Variants in DPYSL2 observed in about 807,000 individuals in gnomAD.
The protein encoded by DPYSL2 is dihydropyrimidinase like 2.
In DPYSL2, 13 loss-of-function variants were observed where a neutral mutation model predicts 69.9. That is an observed-to-expected ratio of 0.19 (90% CI 0.12 to 0.30). The LOEUF (loss-of-function observed/expected upper bound fraction) is 0.30, where lower values mean the gene tolerates loss of function less well. DPYSL2 is among the 10% of genes least tolerant of loss of function. The probability of loss-of-function intolerance (pLI) is 1.00; values close to 1 mark genes in which losing one functional copy is unlikely to be tolerated. For missense variants in DPYSL2, 587 were observed against 918.9 expected, an observed-to-expected ratio of 0.64 and a Z score of 4.67; for synonymous variants, 326 against 359.1, an observed-to-expected ratio of 0.91 and a Z score of 1.04.
At position 26,584,659 on chromosome 8, in the gene DPYSL2, G is replaced by A. The variant is rs1051051002; in HGVS notation, c.628+676G>A. ...TTTGAGACAGAGTTTCTCTCTTGTT[G>A]CCCAGGCTGGAGTGCAATGGTGCAA... On this transcript the variant is annotated intron_variant, in intron 3 of 13. Coordinates refer to ENST00000521913, the MANE Select transcript of DPYSL2 (RefSeq NM_001197293.3). Among the ~76,000 whole-genome samples the A allele has an allele frequency of 3.0e-4, 32 of 108,428 alleles. No homozygotes were observed. In the Admixed American group the frequency reaches 3.7e-3, roughly 12 times the overall value. The allele number at this position is 108,428 out of a possible 152,430, so 71.1% of individuals were successfully genotyped here. A position where few individuals can be genotyped will look rare whatever the true frequency, so the allele number is the denominator to read the frequency against.
intron 1 of DPYSL2, among the ~76,000 whole-genome samples, chr8:26,573,385 G>A (rs1801271573): frequency 6.6e-6 from 1 of 151,462 alleles, no homozygotes; most frequent in Non-Finnish European, 1.5e-5. Flanking sequence ...GTACCTGGGC[G>A]TGGCCGGGCG....
chr8:26,578,443 G>T, intron 1 of DPYSL2: 1 of 1,505,016 alleles, frequency 6.6e-7, no homozygotes, highest in Non-Finnish European at 8.8e-7. Context: ...GATGGTGGTG[G>T]TGGTTGTGGG....
rs138744300 is a variant in DPYSL2, at chr8:26,566,215, G to C, written c.355-15754G>C. On this transcript the variant is annotated intron_variant, in intron 1 of 13. Coordinates refer to ENST00000521913, the MANE Select transcript of DPYSL2 (RefSeq NM_001197293.3). ...GTCTGGAAATGACCTTGCAGGGTGGGCAGATGGAGTACAGAGAAGTCAGAC... is the reference window on the plus strand; with the variant it reads ...GTCTGGAAATGACCTTGCAGGGTGGCCAGATGGAGTACAGAGAAGTCAGAC... 4.9e-4 allele frequency among the ~76,000 whole-genome samples: 75 copies of C among 152,316 alleles called. 1 individual carries two copies. Among genetic ancestry groups the C allele is most frequent in the African/African-American group, 1.7e-3 (69 of 41,574 alleles).
chr8:26,641,059 G>T lies in DPYSL2; in HGVS notation c.1127-2380G>T, dbSNP rs1488562503. Among the ~76,000 whole-genome samples the T allele has an allele frequency of 6.6e-6, 1 of 152,176 alleles. No individual in the cohort carries two copies. Among genetic ancestry groups the T allele is most frequent in the African/African-American group, 2.4e-5 (1 of 41,438 alleles). ...GTTTCGCAGGGAGAGATAAGCCTGT[G>T]GTCAGCAGCATTCATCCCCATGGTA... On this transcript the variant is annotated intron_variant, in intron 8 of 13. Coordinates refer to ENST00000521913, the MANE Select transcript of DPYSL2 (RefSeq NM_001197293.3). The surrounding 1 kb of genome is among the most constrained non-coding windows in gnomAD (Gnocchi z 4.1).
chr8:26,575,465 A>G (rs923736751), intron 1 of DPYSL2, among the ~76,000 whole-genome samples: 1 of 152,168 alleles, frequency 6.6e-6, no homozygotes, highest in African/African-American at 2.4e-5. Flanking sequence ...CAGGTTGCAG[A>G]CAGTTCTCTT....
At chr8:26,569,268 C>T (rs779252810) in intron 1 of DPYSL2, among the ~76,000 whole-genome samples, 5 of 148,496 alleles carry the variant, frequency 3.4e-5, no homozygotes, top group African/African-American at 4.9e-5. Context: ...TGAGGCAGAT[C>T]GCTTGAGCCT....
intron 1 of DPYSL2, among the ~76,000 whole-genome samples, chr8:26,549,826 T>C (rs1271044101): frequency 6.6e-6 from 1 of 152,160 alleles, no homozygotes; most frequent in African/African-American, 2.4e-5. Context: ...AGATTGTCCT[T>C]TAAAACTGAA....
chr8:26,593,992 C>G lies in DPYSL2; in HGVS notation c.628+10009C>G, dbSNP rs146323255. 2.6e-3 allele frequency among the ~76,000 whole-genome samples: 391 copies of G among 152,260 alleles called. 2 individuals are homozygous for G. Among genetic ancestry groups the G allele is most frequent in the African/African-American group, 9.0e-3 (372 of 41,546 alleles). On this transcript the variant is annotated intron_variant, in intron 3 of 13. Transcript: ENST00000521913. This position sits in a 1 kb window ranked among gnomAD's most constrained non-coding sequence, Gnocchi z 5.7. Reference sequence around the variant, plus strand: ...CAGCCATTCACCTCCTTCCCAGCCCCGCTCCCACAGCTGGGCACGGTTTAT... The same window carrying G: ...CAGCCATTCACCTCCTTCCCAGCCCGGCTCCCACAGCTGGGCACGGTTTAT...
At chr8:26,521,620 C>A (rs1398321741) in intron 1 of DPYSL2, among the ~76,000 whole-genome samples, 1 of 152,068 alleles carries the variant, frequency 6.6e-6, no homozygotes, top group East Asian at 1.9e-4. Flanking sequence ...AGAACATTTT[C>A]ATCACCCCTC....
intron 1 of DPYSL2, chr8:26,578,191 C>A: frequency 6.2e-7 from 1 of 1,611,528 alleles, no homozygotes; most frequent in Non-Finnish European, 8.5e-7. Context: ...AAACCCAAGT[C>A]CCCTTCCCGG....
rs1801919598 is a variant in DPYSL2 at position 26,598,621 on chromosome 8, A to AT, written c.628+14641dup. On this transcript the variant is annotated intron_variant, in intron 3 of 13. Transcript: ENST00000521913. This position sits in a 1 kb window ranked among gnomAD's most constrained non-coding sequence, Gnocchi z 4.2. ...TCCCTGCTTACGGGAGATTTGAGGC[A>AT]TTTGATCATTTTTTCCCGTTAGCTT... Among the ~76,000 whole-genome samples the AT allele has an allele frequency of 6.6e-6, 1 of 152,148 alleles. No individual in the cohort carries two copies.
intron 3 of DPYSL2, among the ~76,000 whole-genome samples, chr8:26,594,103 C>T (rs1312641240): frequency 1.3e-5 from 2 of 152,166 alleles, no homozygotes; most frequent in African/African-American, 4.8e-5. Flanking sequence ...AGTTTAACTT[C>T]CCTTTCTAGT....
intron 1 of DPYSL2, among the ~76,000 whole-genome samples, chr8:26,553,334 C>G (rs948118226): frequency 3.4e-5 from 5 of 148,978 alleles, no homozygotes; most frequent in African/African-American, 4.9e-5. Flanking sequence ...AGGTACTAAG[C>G]CTAGTACCCA....
chr8:26,579,960 C>CG (rs11427313), intron 1 of DPYSL2, among the ~76,000 whole-genome samples: 3 of 148,800 alleles, frequency 2.0e-5, no homozygotes, highest in African/African-American at 7.6e-5. Context: ...GAGCGCCCCC[C>CG]CCCCCACACC....
Position 26,610,614 on chromosome 8 carries a change from C to T in DPYSL2, c.629-13529C>T, listed in dbSNP as rs1002259517. On this transcript the variant is annotated intron_variant, in intron 3 of 13. Transcript: ENST00000521913. This position sits in a 1 kb window ranked among gnomAD's most constrained non-coding sequence, Gnocchi z 4.5. ...ATCACGCCTTTATCCAGTCCCTTCC[C>T]ACGCCCTGTTCCTCATTGGAATCCT... Among the ~76,000 whole-genome samples the T allele has an allele frequency of 6.6e-6, 1 of 152,050 alleles. No individual in the cohort carries two copies. Among genetic ancestry groups the T allele is most frequent in the Non-Finnish European group, 1.5e-5 (1 of 68,012 alleles).
In DPYSL2 at chr8:26,514,524, C is replaced by T; in HGVS notation, c.199C>T (p.Gln67Ter). The change falls in exon 1 of 14, where the codon CAG (glutamine) becomes TAG (stop). Residue 67 changes from glutamine (Q) to a stop codon, truncating the protein, a stop_gained. Transcript: ENST00000521913. LOFTEE classifies it high-confidence loss of function. The surrounding 1 kb of genome is among the most constrained non-coding windows in gnomAD (Gnocchi z 8.4). ...VGRGSGQVVA[Q>*]QRDVAHLGPD... is the part of the protein sequence containing the mutation. ...CCGGGGCTCGGGGCAGGTGGTGGCT[C>T]AGCAGCGGGACGTCGCCCACTTGGG... 1 of 1,530,000 alleles carries T rather than the reference C, an allele frequency of 6.5e-7. No homozygotes were observed. Among genetic ancestry groups the T allele is most frequent in the Non-Finnish European group, 8.7e-7 (1 of 1,144,774 alleles). 94.8% of individuals were successfully genotyped at this position (1,530,000 alleles called of 1,614,324 possible). A position where few individuals can be genotyped will look rare whatever the true frequency, so the allele number is the denominator to read the frequency against.
Position 26,565,653 on chromosome 8 carries a change from G to T in DPYSL2, c.355-16316G>T, listed in dbSNP as rs1210895008. On this transcript the variant is annotated intron_variant, in intron 1 of 13. Coordinates refer to ENST00000521913, the MANE Select transcript of DPYSL2 (RefSeq NM_001197293.3). The surrounding 1 kb of genome is among the most constrained non-coding windows in gnomAD (Gnocchi z 4.1). ...TAGGAGTTGTGGTAGAAAGAATACT[G>T]CTGCTATGATAAATAGACTCCACTA... Among the ~76,000 whole-genome samples, 1 of 152,196 alleles carries T rather than the reference G, an allele frequency of 6.6e-6. No individual in the cohort carries two copies. Among genetic ancestry groups the T allele is most frequent in the African/African-American group, 2.4e-5 (1 of 41,446 alleles).
intron 1 of DPYSL2, among the ~76,000 whole-genome samples, chr8:26,523,467 C>T: frequency 6.6e-6 from 1 of 152,148 alleles, no homozygotes; most frequent in Non-Finnish European, 1.5e-5. Context: ...AGCAACAACT[C>T]TTCATTCCCC....
intron 1 of DPYSL2, 46 bp from the exon 2 acceptor site, chr8:26,581,923 T>C (rs1484758258): frequency 7.2e-7 from 1 of 1,397,796 alleles, no homozygotes; most frequent in African/African-American, 1.4e-5. Context: ...CACCTGTTTC[T>C]CATAGGTCAG....
Sources: allele counts gnomAD v4.1 joint callset (sites outside exome capture counted in the v4.1 genomes callset), GRCh38; gene constraint gnomAD v4.1.1; non-coding constraint Gnocchi (gnomAD v3.1); transcripts MANE v1.5; gene names NCBI Gene and HGNC (gene_info 2026-07-23, HGNC 2026-07-21).